PDGFD: variants seen among roughly 807,000 people sequenced by gnomAD.
The protein encoded by PDGFD is platelet-derived growth factor D.
Under a neutral mutation model 44.7 loss-of-function variants are expected in PDGFD, and 30 were observed. That is an observed-to-expected ratio of 0.67 (90% CI 0.50 to 0.91). The LOEUF is 0.91. Ranked by LOEUF, PDGFD falls within the 40% of genes least tolerant of loss-of-function variation. The pLI, the probability that PDGFD is intolerant of heterozygous loss-of-function variation, is 0.00. For synonymous variants in PDGFD, 173 were observed against 168.4 expected, an observed-to-expected ratio of 1.03 and a Z score of -0.21; for missense variants, 445 against 457.8, an observed-to-expected ratio of 0.97 and a Z score of 0.25.
intron 1 of PDGFD, among the ~76,000 whole-genome samples, chr11:104,088,766 G>C (rs999179747): frequency 6.6e-6 from 1 of 152,040 alleles, no homozygotes; most frequent in Non-Finnish European, 1.5e-5. Context: ...GGATTCTTTA[G>C]GCTATGAGAT....
At chr11:104,163,251 G>A (rs188267311) in intron 1 of PDGFD, among the ~76,000 whole-genome samples, 2 of 152,130 alleles carry the variant, frequency 1.3e-5, no homozygotes, top group East Asian at 3.9e-4. Context: ...GGACCTAAAG[G>A]GCAATAGGCT....
chr11:103,927,278 A>G lies in PDGFD; in HGVS notation c.773-152T>C, dbSNP rs376715214. 161 of 659,678 alleles carry G rather than the reference A, an allele frequency of 2.4e-4. 1 individual carries two copies. The East Asian group carries it at 3.4e-3, about 14-fold the overall frequency. 40.9% of individuals were successfully genotyped at this position (659,678 alleles called of 1,614,324 possible). A position where few individuals can be genotyped will look rare whatever the true frequency, so the allele number is the denominator to read the frequency against. ...TCAGGCTCTCAATTACTGGGAACCTAAAGTAAAAGACCTAATTTCTCTCTT... is the reference window on the plus strand; with the variant it reads ...TCAGGCTCTCAATTACTGGGAACCTGAAGTAAAAGACCTAATTTCTCTCTT... On this transcript the variant is annotated intron_variant, in intron 5 of 6. Coordinates refer to ENST00000393158, the MANE Select transcript of PDGFD (RefSeq NM_025208.5).
chr11:104,163,657 A>G, intron 1 of PDGFD, 147 bp downstream of exon 1: 1 of 944,354 alleles, frequency 1.1e-6, no homozygotes, highest in Non-Finnish European at 1.5e-6. Flanking sequence ...AGGACTGGAT[A>G]CAGGCAGGAG....
chr11:103,927,260 C>T, intron 5 of PDGFD, 134 bp from the exon 6 acceptor site: 1 of 739,970 alleles, frequency 1.4e-6, no homozygotes, highest in South Asian at 1.8e-5. Context: ...TCCTCAGGCT[C>T]TCAATTACTG....
chr11:103,921,823 C>A (rs1858227549), intron 6 of PDGFD, among the ~76,000 whole-genome samples: 1 of 121,520 alleles, frequency 8.2e-6, no homozygotes, highest in South Asian at 2.7e-4. Flanking sequence ...TAGGCTTGTG[C>A]CATTCAACAA....
intron 1 of PDGFD, among the ~76,000 whole-genome samples, chr11:104,011,868 A>C (rs1170092603): frequency 6.6e-6 from 1 of 152,128 alleles, no homozygotes; most frequent in Non-Finnish European, 1.5e-5. Flanking sequence ...AAAAAAAAAT[A>C]TTCAAGTGCT....
chr11:104,070,779 C>T (rs145503023), intron 1 of PDGFD, among the ~76,000 whole-genome samples: 19 of 152,232 alleles, frequency 1.2e-4, no homozygotes, highest in African/African-American at 3.6e-4. Flanking sequence ...ATAGTTTATT[C>T]AACCACTCTT....
rs375762671 is a variant in PDGFD, at chr11:103,950,394, CAAAA to C, written c.511-2674_511-2671del. Among the ~76,000 whole-genome samples the C allele has an allele frequency of 3.3e-3, 351 of 107,744 alleles. 1 individual carries two copies. Among genetic ancestry groups the C allele is most frequent in the Admixed American group, 4.5e-3 (42 of 9,326 alleles). 70.7% of individuals were successfully genotyped at this position (107,744 alleles called of 152,430 possible). A position where few individuals can be genotyped will look rare whatever the true frequency, so the allele number is the denominator to read the frequency against. On this transcript the variant is annotated intron_variant, in intron 3 of 6. Coordinates refer to ENST00000393158, the MANE Select transcript of PDGFD (RefSeq NM_025208.5). Reference sequence around the variant, plus strand: ...TGAAAACTCATCTCTACTAATAATACAAAAAAAAAAAAAAAAAAAATTAGCCAGG... The same window carrying C: ...TGAAAACTCATCTCTACTAATAATACAAAAAAAAAAAAAAAATTAGCCAGG...
At chr11:104,066,342 T>A (rs1860791691) in intron 1 of PDGFD, among the ~76,000 whole-genome samples, 1 of 152,202 alleles carries the variant, frequency 6.6e-6, no homozygotes, top group South Asian at 2.1e-4. Context: ...TTTTGTCATA[T>A]ATATCCGTAG....
At chr11:104,037,730 A>G (rs1215205738) in intron 1 of PDGFD, 1 of 1,614,156 alleles carries the variant, frequency 6.2e-7, no homozygotes, top group African/African-American at 1.3e-5. Context: ...GGCCGTGTTC[A>G]TCTAGCTCAG....
chr11:104,142,678 A>T (rs1862102825), intron 1 of PDGFD, among the ~76,000 whole-genome samples: 1 of 152,208 alleles, frequency 6.6e-6, no homozygotes, highest in African/African-American at 2.4e-5. Context: ...TGCTATAGAA[A>T]AACCGAAGGC....
At chr11:104,157,399 G>C (rs993789937) in intron 1 of PDGFD, among the ~76,000 whole-genome samples, 2 of 152,204 alleles carry the variant, frequency 1.3e-5, no homozygotes, top group African/African-American at 4.8e-5. Flanking sequence ...ACACAGAATG[G>C]GCCACGTCTC....
At chr11:103,937,165 C>T (rs886314960) in intron 5 of PDGFD, among the ~76,000 whole-genome samples, 2 of 152,092 alleles carry the variant, frequency 1.3e-5, no homozygotes, top group Non-Finnish European at 2.9e-5. Flanking sequence ...TGAATTTTAG[C>T]ATGTGTATCT....
rs1857962975 is a variant in PDGFD, at chr11:103,907,954, A to C, written c.*1740T>G. 2 of 152,222 alleles carry C rather than the reference A, an allele frequency of 1.3e-5. No homozygotes were observed. The highest frequency in any genetic ancestry group is 2.9e-5 in the Non-Finnish European group (2 of 68,042). 9.4% of individuals were successfully genotyped at this position (152,222 alleles called of 1,614,324 possible). A position where few individuals can be genotyped will look rare whatever the true frequency, so the allele number is the denominator to read the frequency against. On this transcript the variant is annotated 3_prime_UTR_variant, in exon 7 of 7. Coordinates refer to ENST00000393158, the MANE Select transcript of PDGFD (RefSeq NM_025208.5). ...TTTAGAAGGTACATCTTCAATAAGC[A>C]GAGATCTTTCATCTCAAATAACTGG...
chr11:104,145,207 C>T (rs1862145866), intron 1 of PDGFD, among the ~76,000 whole-genome samples: 1 of 152,146 alleles, frequency 6.6e-6, no homozygotes, highest in African/African-American at 2.4e-5. Flanking sequence ...TACCCTTAAT[C>T]ATTATTCCAT....
chr11:103,939,702 T>G (rs998946124), intron 5 of PDGFD, among the ~76,000 whole-genome samples: 9 of 152,124 alleles, frequency 5.9e-5, no homozygotes, highest in Non-Finnish European at 1.2e-4. Context: ...TATGCACACT[T>G]CCGATACTCA....
chr11:103,950,078 G>A (rs1463078357), intron 3 of PDGFD, among the ~76,000 whole-genome samples: 1 of 152,142 alleles, frequency 6.6e-6, no homozygotes, highest in Non-Finnish European at 1.5e-5. Flanking sequence ...CCGCATGAGA[G>A]AGAATGGACC....
intron 1 of PDGFD, among the ~76,000 whole-genome samples, chr11:104,112,149 A>C (rs1004037247): frequency 6.6e-6 from 1 of 152,212 alleles, no homozygotes; most frequent in Admixed American, 6.6e-5. Flanking sequence ...CAGAAATAGT[A>C]AGATTAAATC....
intron 1 of PDGFD, among the ~76,000 whole-genome samples, chr11:104,152,284 T>G (rs1002014027): frequency 6.6e-6 from 1 of 152,212 alleles, no homozygotes; most frequent in Non-Finnish European, 1.5e-5. Flanking sequence ...GTTTTTTAAT[T>G]AACAAATGTT....
Sources: gnomAD v4.1 joint callset for allele counts (sites outside exome capture counted in the v4.1 genomes callset) on GRCh38, gnomAD v4.1.1 for gene constraint, MANE v1.5 for transcripts, NCBI Gene and HGNC (gene_info 2026-07-23, HGNC 2026-07-21) for gene names.